SLC25A26: variants seen among roughly 807,000 people sequenced by gnomAD.
SLC25A26 encodes solute carrier family 25 member 26.
SLC25A26 carries 36 observed loss-of-function variants against 37.8 expected under a neutral mutation model. That is an observed-to-expected ratio of 0.95 (90% CI 0.73 to 1.26). The LOEUF is 1.26. Ranked by LOEUF, SLC25A26 falls within the 50% of genes most tolerant of loss-of-function variation. The pLI, the probability that SLC25A26 is intolerant of heterozygous loss-of-function variation, is 0.00. For missense variants in SLC25A26, 390 were observed against 331.1 expected (o/e 1.18, Z -1.38); for synonymous variants, 129 against 122.5 (o/e 1.05, Z -0.35).
At position 66,268,775 on chromosome 3, in the gene SLC25A26, G is replaced by T. The variant is rs182556157; in HGVS notation, c.453+5396G>T. On this transcript the variant is annotated intron_variant, in intron 5 of 9. Transcript: ENST00000354883. ...GACCTGATGGGAGGTGATTGCATGG[G>T]TGGTTTCCCTCATGCTCTTGAGACT... Among the ~76,000 whole-genome samples, 3 of 152,316 alleles carry T rather than the reference G, an allele frequency of 2.0e-5. No individual in the cohort carries two copies. In the East Asian group the frequency reaches 5.8e-4, roughly 29 times the overall value.
At chr3:66,175,160 C>CA (rs1308087097) in intron 1 of SLC25A26, among the ~76,000 whole-genome samples, 1,386 of 113,956 alleles carry the variant, frequency 0.012, 6 homozygotes, top group East Asian at 0.039. Flanking sequence ...CACACACACA[C>CA]ATTATATGTA....
At chr3:66,140,681 C>T (rs557528448) in intron 1 of SLC25A26, among the ~76,000 whole-genome samples, 135 of 152,270 alleles carry the variant, frequency 8.9e-4, no homozygotes, top group South Asian at 2.3e-3. Flanking sequence ...ACTACCTTAT[C>T]GGCACCTGTC....
chr3:66,339,908 G>A (rs2076170530), intron 5 of SLC25A26, among the ~76,000 whole-genome samples: 1 of 151,866 alleles, frequency 6.6e-6, no homozygotes, highest in Non-Finnish European at 1.5e-5. Flanking sequence ...CTTGCTTTTT[G>A]TGTCATATCC....
intron 1 of SLC25A26, among the ~76,000 whole-genome samples, chr3:66,203,913 G>T (rs1394468792): frequency 6.6e-6 from 1 of 152,134 alleles, no homozygotes; most frequent in Non-Finnish European, 1.5e-5. Context: ...GGCAGAGAAT[G>T]AAATTATCTT....
chr3:66,342,894 C>G (rs1437514399), intron 5 of SLC25A26, among the ~76,000 whole-genome samples: 3 of 152,254 alleles, frequency 2.0e-5, no homozygotes, highest in South Asian at 2.1e-4. Flanking sequence ...CAACCTTATT[C>G]AAACAAAACA....
intron 2 of SLC25A26, among the ~76,000 whole-genome samples, chr3:66,239,254 C>T (rs2072451075): frequency 6.7e-6 from 1 of 150,232 alleles, no homozygotes; most frequent in African/African-American, 2.4e-5. Context: ...TGAAACCCTT[C>T]ATCCCCAACC....
intron 8 of SLC25A26, 55 bp from the exon 9 acceptor site, chr3:66,370,474 G>A: frequency 1.4e-6 from 2 of 1,385,374 alleles, no homozygotes; most frequent in South Asian, 1.2e-5. Flanking sequence ...TGAGAGGCAA[G>A]TGTGTGATTG....
chr3:66,203,274 G>A (rs964290664), intron 1 of SLC25A26, among the ~76,000 whole-genome samples: 1,842 of 152,192 alleles, frequency 0.012, 20 homozygotes, highest in Non-Finnish European at 0.021. Context: ...CCAGCTACTT[G>A]GGAGGCTGAG....
chr3:66,327,642 A>G (rs900672769), intron 5 of SLC25A26, among the ~76,000 whole-genome samples: 1 of 151,924 alleles, frequency 6.6e-6, no homozygotes, highest in East Asian at 1.9e-4. Context: ...TTCATGATTC[A>G]TTTGCTTATT....
chr3:66,306,733 AC>A (rs1291804679), intron 5 of SLC25A26, among the ~76,000 whole-genome samples: 12 of 151,884 alleles, frequency 7.9e-5, no homozygotes, highest in Non-Finnish European at 1.6e-4. Context: ...TTCACCTCCC[AC>A]TTATGAGCAA....
chr3:66,205,731 A>G (rs1004862600), intron 1 of SLC25A26, among the ~76,000 whole-genome samples: 4 of 152,196 alleles, frequency 2.6e-5, no homozygotes, highest in Non-Finnish European at 4.4e-5. Context: ...ACCCTGTGGA[A>G]GAATTATTTG....
intron 1 of SLC25A26, among the ~76,000 whole-genome samples, chr3:66,186,929 A>G (rs2070839883): frequency 3.3e-5 from 5 of 151,398 alleles, no homozygotes; most frequent in Non-Finnish European, 5.9e-5. Flanking sequence ...CCTGATCCTC[A>G]CCCTCTACTT....
intron 5 of SLC25A26, among the ~76,000 whole-genome samples, chr3:66,290,431 A>T (rs562770950): frequency 2.1e-4 from 32 of 152,298 alleles, no homozygotes; most frequent in Non-Finnish European, 4.3e-4. Context: ...TGGTCATTCA[A>T]TATGATACAG....
At chr3:66,133,885 T>C (rs2069907371) in exon 1 of SLC25A26, 1 of 152,200 alleles carries the variant, frequency 6.6e-6, no homozygotes, top group African/African-American at 2.4e-5. Flanking sequence ...TCCAGATTGC[T>C]TCTAGAACTT....
intron 1 of SLC25A26, among the ~76,000 whole-genome samples, chr3:66,175,408 A>G (rs915634459): frequency 2.6e-5 from 4 of 151,890 alleles, no homozygotes; most frequent in African/African-American, 9.7e-5. Context: ...TATTTTTGGT[A>G]GAGACACAGT....
In SLC25A26 at chr3:66,138,054, G is replaced by A. The variant is rs565327531; in HGVS notation, c.-354+4070G>A. Among the ~76,000 whole-genome samples, 54 of 151,442 alleles carry A rather than the reference G, an allele frequency of 3.6e-4. No individual in the cohort carries two copies. The South Asian group carries it at 8.8e-3, about 25-fold the overall frequency. On this transcript the variant is annotated intron_variant, in intron 1 of 10. Coordinates refer to the SLC25A26 transcript ENST00000676754. The stretch of plus-strand genomic sequence containing the variant: ...TCACTATGTTGGCCAGGTTGGTCTC[G>A]AACTCCTGACCTCAAGTGATCCACC...
intron 2 of SLC25A26, among the ~76,000 whole-genome samples, chr3:66,240,184 C>G (rs980558499): frequency 6.6e-6 from 1 of 152,182 alleles, no homozygotes; most frequent in Admixed American, 6.5e-5. Context: ...AGTGGATACT[C>G]CGCAACACCT....
chr3:66,239,031 G>GT (rs1333068143), intron 2 of SLC25A26, among the ~76,000 whole-genome samples: 1 of 152,114 alleles, frequency 6.6e-6, no homozygotes, highest in Non-Finnish European at 1.5e-5. Context: ...GTATAGAAGG[G>GT]TCCTTGTCAT....
At chr3:66,246,600 A>G (rs1374952487) in intron 3 of SLC25A26, among the ~76,000 whole-genome samples, 4 of 152,184 alleles carry the variant, frequency 2.6e-5, no homozygotes, top group Admixed American at 6.5e-5. Flanking sequence ...GAGGTGGGGT[A>G]GGTAGATTTT....
Sources: allele counts gnomAD v4.1 joint callset (sites outside exome capture counted in the v4.1 genomes callset), GRCh38; gene constraint gnomAD v4.1.1; transcripts MANE v1.5; gene names NCBI Gene and HGNC (gene_info 2026-07-23, HGNC 2026-07-21).